MKRN2OS: variants seen among roughly 807,000 people sequenced by gnomAD.
The protein encoded by MKRN2OS is MKRN2 opposite strand protein.
Under a neutral mutation model 18.2 loss-of-function variants are expected in MKRN2OS, and 17 were observed. The observed-to-expected ratio is 0.93, with a 90% CI of 0.64 to 1.40. The LOEUF (loss-of-function observed/expected upper bound fraction) is 1.40. MKRN2OS is among the 40% of genes most tolerant of loss of function. The probability of loss-of-function intolerance (pLI) is 0.00; values close to 1 mark genes in which losing one functional copy is unlikely to be tolerated. For synonymous variants in MKRN2OS, 121 were observed against 108.5 expected, an observed-to-expected ratio of 1.12 and a Z score of -0.72; for missense variants, 337 against 283.0, an observed-to-expected ratio of 1.19 and a Z score of -1.37.
upstream of MKRN2OS, among the ~76,000 whole-genome samples, chr3:12,548,027 C>T (rs1193000886): frequency 2.0e-5 from 3 of 152,086 alleles, no homozygotes; most frequent in Non-Finnish European, 4.4e-5. Flanking sequence ...CCACATGGTA[C>T]GGCCGGGCGC....
At chr3:12,550,681 C>T (rs2057923170), downstream of MKRN2OS, among the ~76,000 whole-genome samples, 1 of 152,188 alleles carries the variant, frequency 6.6e-6, no homozygotes, top group Non-Finnish European at 1.5e-5. Flanking sequence ...TGCTGTAAAA[C>T]TTGCCTCAGT....
At chr3:12,559,804 G>A (rs2058021403) in intron 1 of MKRN2OS, among the ~76,000 whole-genome samples, 1 of 152,112 alleles carries the variant, frequency 6.6e-6, no homozygotes, top group African/African-American at 2.4e-5. Flanking sequence ...GAGCCCTGGG[G>A]GAGGCCCTTA....
intron 1 of MKRN2OS, among the ~76,000 whole-genome samples, chr3:12,558,995 T>C (rs2058011028): frequency 1.3e-5 from 2 of 152,364 alleles, no homozygotes; most frequent in South Asian, 4.1e-4. Flanking sequence ...TCAAAGTTCA[T>C]GCCCTCATAG....
upstream of MKRN2OS, among the ~76,000 whole-genome samples, chr3:12,550,431 G>T (rs1166087814): frequency 2.0e-5 from 3 of 152,100 alleles, no homozygotes; most frequent in African/African-American, 7.2e-5. Flanking sequence ...CGGAAGGGAG[G>T]GATAAATAGG....
chr3:12,546,602 A>T (rs2057886661), upstream of MKRN2OS, among the ~76,000 whole-genome samples: 1 of 85,238 alleles, frequency 1.2e-5, no homozygotes, highest in Non-Finnish European at 2.2e-5. Context: ...TTTTTTTGAG[A>T]CAGAGTCTCA....
intron 1 of MKRN2OS, chr3:12,557,236 C>G (rs986453439): frequency 2.6e-6 from 4 of 1,513,108 alleles, no homozygotes; most frequent in Non-Finnish European, 3.5e-6. Flanking sequence ...GGGGCCGGTG[C>G]GCGCCAGTGC....
rs1397506052 is a variant in MKRN2OS, at chr3:12,540,414, TATG to T, written c.448_450del (p.His150del). On this transcript the variant is annotated inframe_deletion, in exon 4 of 4. Transcript: ENST00000564146. ...AACGTGAGTGCGTAAGAGTAGCAGT[TATG>T]GTGGTTGTCTTCATACCTTATGGAG... The T allele has an allele frequency of 2.0e-6, 3 of 1,535,966 alleles. No individual in the cohort carries two copies. In the African/African-American group the frequency reaches 4.1e-5, roughly 21 times the overall value.
chr3:12,541,772 T>C, intron 3 of MKRN2OS, 88 bp downstream of exon 3: 3 of 1,352,330 alleles, frequency 2.2e-6, no homozygotes, highest in South Asian at 2.9e-5. Context: ...TAAGTGCTGC[T>C]GAGTCCTCTG....
intron 3 of MKRN2OS, 97 bp from the exon 4 acceptor site, chr3:12,540,530 G>A: frequency 3.6e-6 from 5 of 1,395,324 alleles, no homozygotes; most frequent in Non-Finnish European, 4.9e-6. Flanking sequence ...GGGTGCCTCA[G>A]CAAGCAAGGC....
rs1292304778 is a variant in MKRN2OS at position 12,540,171 on chromosome 3, C to A, written c.*22G>T. 2.6e-6 allele frequency: 4 copies of A among 1,536,026 alleles called. No individual in the cohort carries two copies. Among genetic ancestry groups the A allele is most frequent in the East Asian group, 4.9e-5 (2 of 40,910 alleles). ...TAGCAACCACCCTACCCTCCAGCGT[C>A]CAGGCTGCGCTTACATAGCTCTCAG... On this transcript the variant is annotated 3_prime_UTR_variant, in exon 4 of 4. Transcript: ENST00000564146.
At chr3:12,546,681 A>G (rs2057887572), upstream of MKRN2OS, among the ~76,000 whole-genome samples, 2 of 147,558 alleles carry the variant, frequency 1.4e-5, no homozygotes, top group South Asian at 4.3e-4. Context: ...CCTGGGTTCA[A>G]GTAATTCTGC....
At chr3:12,548,463 A>T (rs13075739), upstream of MKRN2OS, among the ~76,000 whole-genome samples, 80,313 of 139,586 alleles carry the variant, frequency 0.58, 26,325 homozygotes, top group African/African-American at 0.85. Context: ...AAAAAAAAAA[A>T]AAAAAAAAAA....
At chr3:12,559,165 C>A (rs1377611521) in intron 1 of MKRN2OS, among the ~76,000 whole-genome samples, 1 of 152,158 alleles carries the variant, frequency 6.6e-6, no homozygotes, top group African/African-American at 2.4e-5. Flanking sequence ...GGAGTCAGGG[C>A]TCCCGATGAC....
Position 12,542,035 on chromosome 3 carries a change from A to G in MKRN2OS, c.269-13T>C, listed in dbSNP as rs1420660219. The G allele has an allele frequency of 6.5e-7, 1 of 1,529,026 alleles. No individual in the cohort carries two copies. The highest frequency in any genetic ancestry group is 2.5e-5 in the East Asian group (1 of 40,622). The allele number at this position is 1,529,026 out of a possible 1,614,324, so 94.7% of individuals were successfully genotyped here. ...TTATACACAACCCCTGCAAATCAAA[A>G]CCAAAGTCATGTGGAGCCCCAAGGA... On this transcript the variant is annotated splice_polypyrimidine_tract_variant and intron_variant, in intron 2 of 3. Transcript: ENST00000564146.
At chr3:12,553,978 G>C (rs538152592) in exon 2 of MKRN2OS, 10 of 152,320 alleles carry the variant, frequency 6.6e-5, no homozygotes, top group African/African-American at 2.2e-4. Flanking sequence ...GACCCTCGGC[G>C]CACGTCTGCG....
rs1462300768 is a variant in MKRN2OS at position 12,539,943 on chromosome 3, G to C, written c.*250C>G. 1 of 455,074 alleles carries C rather than the reference G, an allele frequency of 2.2e-6. No individual in the cohort carries two copies. Among genetic ancestry groups the C allele is most frequent in the Admixed American group, 3.4e-5 (1 of 29,394 alleles). The allele number at this position is 455,074 out of a possible 1,614,324, so 28.2% of individuals were successfully genotyped here. A position where few individuals can be genotyped will look rare whatever the true frequency, so the allele number is the denominator to read the frequency against. On this transcript the variant is annotated 3_prime_UTR_variant, in exon 4 of 4. Transcript: ENST00000564146. ...TGGGATTACAGGCATGCGCCACCAT[G>C]CCCAGCTAATTTTATATTTTTAGTA...
chr3:12,559,435 T>A (rs542914143), intron 1 of MKRN2OS, among the ~76,000 whole-genome samples: 1 of 152,280 alleles, frequency 6.6e-6, no homozygotes, highest in South Asian at 2.1e-4. Context: ...GGGTTTTGTT[T>A]GTTTTTTTGT....
chr3:12,555,847 G>C (rs576145522), intron 1 of MKRN2OS, among the ~76,000 whole-genome samples: 6 of 152,154 alleles, frequency 3.9e-5, no homozygotes, highest in Admixed American at 6.5e-5. Context: ...AAGTTTAGTC[G>C]AGCATGGTGT....
chr3:12,548,239 G>A (rs1021470131), upstream of MKRN2OS, among the ~76,000 whole-genome samples: 2 of 152,138 alleles, frequency 1.3e-5, no homozygotes, highest in African/African-American at 4.8e-5. Context: ...ACGAGGTCAG[G>A]AGATCGAGAC....
Sources: gnomAD v4.1 joint callset for allele counts (sites outside exome capture counted in the v4.1 genomes callset) on GRCh38, gnomAD v4.1.1 for gene constraint, MANE v1.5 for transcripts, NCBI Gene and HGNC (gene_info 2026-07-23, HGNC 2026-07-21) for gene names.